Variants in PDE3B observed in about 807,000 individuals in gnomAD.
PDE3B encodes the protein phosphodiesterase 3B.
PDE3B carries 66 observed loss-of-function variants against 116.8 expected under a neutral mutation model. The ratio of observed to expected loss-of-function variants is 0.56; its 90% CI spans 0.46 to 0.69. The LOEUF (loss-of-function observed/expected upper bound fraction) is 0.69, where lower values mean the gene tolerates loss of function less well. Ranked by LOEUF, PDE3B falls within the 30% of genes least tolerant of loss-of-function variation. The pLI is 0.00. For synonymous variants in PDE3B, 595 were observed against 533.6 expected, an observed-to-expected ratio of 1.12 and a Z score of -1.59; for missense variants, 1,384 against 1,368.1, an observed-to-expected ratio of 1.01 and a Z score of -0.18.
intron 1 of PDE3B, among the ~76,000 whole-genome samples, chr11:14,680,606 G>A (rs1854673070): frequency 6.6e-6 from 1 of 152,178 alleles, no homozygotes; most frequent in Non-Finnish European, 1.5e-5. Flanking sequence ...ATGTCTAGAT[G>A]TGTTTATTTG....
At chr11:14,663,330 A>G (rs1323752736) in intron 1 of PDE3B, among the ~76,000 whole-genome samples, 1 of 152,198 alleles carries the variant, frequency 6.6e-6, no homozygotes, top group Non-Finnish European at 1.5e-5. Context: ...GAAAGGAACA[A>G]CCGGTACCAG....
At position 14,803,949 on chromosome 11, in the gene PDE3B, G is replaced by A. The variant is rs1858844132; in HGVS notation, c.1421G>A (p.Gly474Glu). Reference protein sequence around the residue: ...PHQEFGISSQGCYLNGPFNSN... With the variant: ...PHQEFGISSQECYLNGPFNSN... ...CTGTTATTTTTCCCTTTTAGTCAAG[G>A]ATGCTATCTAAATGGGCCTTTTAAT... The change falls in exon 5 of 16, where the codon GGA (glycine) becomes GAA (glutamate). Residue 474 changes from glycine (G) to glutamate (E), a missense_variant. Coordinates refer to ENST00000282096, the MANE Select transcript of PDE3B (RefSeq NM_000922.4). The A allele has an allele frequency of 1.3e-6, 2 of 1,580,704 alleles. No individual in the cohort carries two copies. The highest frequency in any genetic ancestry group is 2.7e-5 in the African/African-American group (2 of 74,244).
chr11:14,687,075 T>G (rs1370775719), intron 1 of PDE3B, among the ~76,000 whole-genome samples: 1 of 152,162 alleles, frequency 6.6e-6, no homozygotes, highest in African/African-American at 2.4e-5. Context: ...ATTTATTCGT[T>G]TTGGTAATAT....
chr11:14,662,412 C>T (rs1423415969), intron 1 of PDE3B, among the ~76,000 whole-genome samples: 2 of 152,154 alleles, frequency 1.3e-5, no homozygotes. Flanking sequence ...TCTCCTCCTC[C>T]AAAGGAACTC....
rs1238482945 is a variant in PDE3B at position 14,757,251 on chromosome 11, C to T, written c.979-14686C>T. 5.3e-5 allele frequency among the ~76,000 whole-genome samples: 8 copies of T among 150,660 alleles called. No homozygotes were observed. In the East Asian group the frequency reaches 5.9e-4, roughly 11 times the overall value. On this transcript the variant is annotated intron_variant, in intron 1 of 15. Transcript: ENST00000282096. ...AAGTCTTTGCTATTGTGAATAATGCCGCAATAAACATACGTGTGCATGTGT... is the reference window on the plus strand; with the variant it reads ...AAGTCTTTGCTATTGTGAATAATGCTGCAATAAACATACGTGTGCATGTGT...
At chr11:14,834,241 TG>T (rs1406365618) in intron 10 of PDE3B, among the ~76,000 whole-genome samples, 1 of 152,236 alleles carries the variant, frequency 6.6e-6, no homozygotes, top group Non-Finnish European at 1.5e-5. Flanking sequence ...AAATTTTTAT[TG>T]GATATCGACA....
chr11:14,683,625 T>A (rs1391842816), intron 1 of PDE3B, among the ~76,000 whole-genome samples: 1 of 152,064 alleles, frequency 6.6e-6, no homozygotes, highest in Non-Finnish European at 1.5e-5. Context: ...GAACAAGATT[T>A]GGTTTCATTA....
At chr11:14,809,552 T>C (rs1859061736) in intron 5 of PDE3B, among the ~76,000 whole-genome samples, 1 of 152,216 alleles carries the variant, frequency 6.6e-6, no homozygotes, top group Non-Finnish European at 1.5e-5. Context: ...AGAAAGTATA[T>C]TAGTGGTTGC....
intron 1 of PDE3B, among the ~76,000 whole-genome samples, chr11:14,679,877 A>T (rs1854648011): frequency 6.6e-6 from 1 of 151,914 alleles, no homozygotes; most frequent in Non-Finnish European, 1.5e-5. Flanking sequence ...CTCTAGTGGA[A>T]CAGGAAGCAT....
chr11:14,782,019 C>T (rs1858020613), intron 2 of PDE3B, among the ~76,000 whole-genome samples: 1 of 152,144 alleles, frequency 6.6e-6, no homozygotes, highest in Non-Finnish European at 1.5e-5. Context: ...ACACCATTAA[C>T]AGACAAACAG....
chr11:14,829,495 T>C (rs1859804216), intron 7 of PDE3B, among the ~76,000 whole-genome samples: 1 of 152,088 alleles, frequency 6.6e-6, no homozygotes, highest in Admixed American at 6.6e-5. Flanking sequence ...GAAAAGAAGA[T>C]GTAGTATATA....
chr11:14,798,150 A>T (rs188429975), intron 4 of PDE3B, among the ~76,000 whole-genome samples: 367 of 152,298 alleles, frequency 2.4e-3, no homozygotes, highest in Middle Eastern at 3.4e-3. Context: ...AGGGGTGTTG[A>T]ATTTTGTCAA....
chr11:14,789,273 G>A (rs750053915), intron 4 of PDE3B, 31 bp downstream of exon 4: 1 of 1,544,408 alleles, frequency 6.5e-7, no homozygotes, highest in Non-Finnish European at 8.8e-7. Context: ...TAAGAAACTT[G>A]AATCAAATGC....
intron 1 of PDE3B, among the ~76,000 whole-genome samples, chr11:14,729,015 A>G (rs903229433): frequency 6.6e-6 from 1 of 152,060 alleles, no homozygotes; most frequent in Non-Finnish European, 1.5e-5. Flanking sequence ...CCCGTGAACC[A>G]CCTTGTCTAC....
chr11:14,896,854 T>G, the PDE3B span, among the ~76,000 whole-genome samples: 1 of 152,242 alleles, frequency 6.6e-6, no homozygotes, highest in Non-Finnish European at 1.5e-5. Flanking sequence ...AACATTCTTA[T>G]ATTGTGCTTC....
At chr11:14,746,410 A>G (rs1486746478) in intron 1 of PDE3B, among the ~76,000 whole-genome samples, 1 of 152,114 alleles carries the variant, frequency 6.6e-6, no homozygotes, top group African/African-American at 2.4e-5. Context: ...AAAAAATAAT[A>G]AAATAAAGCT....
intron 5 of PDE3B, among the ~76,000 whole-genome samples, chr11:14,812,828 C>T (rs1364158031): frequency 6.6e-6 from 1 of 152,182 alleles, no homozygotes; most frequent in Non-Finnish European, 1.5e-5. Context: ...ATTCATATCT[C>T]CTCACTTACA....
chr11:14,730,686 A>G (rs1856433151), intron 1 of PDE3B, among the ~76,000 whole-genome samples: 1 of 152,232 alleles, frequency 6.6e-6, no homozygotes, highest in Middle Eastern at 3.2e-3. Flanking sequence ...GCATTATCAG[A>G]TATCATAAAC....
intron 7 of PDE3B, among the ~76,000 whole-genome samples, chr11:14,821,057 T>G (rs1859501911): frequency 6.6e-6 from 1 of 152,222 alleles, no homozygotes; most frequent in South Asian, 2.1e-4. Context: ...ACCTGAGGAC[T>G]TTGATGAGAT....
Sources: allele counts gnomAD v4.1 joint callset (sites outside exome capture counted in the v4.1 genomes callset), GRCh38; gene constraint gnomAD v4.1.1; transcripts MANE v1.5; gene names NCBI Gene and HGNC (gene_info 2026-07-23, HGNC 2026-07-21).